RORA: variants seen among roughly 807,000 people sequenced by gnomAD.
RORA encodes nuclear receptor ROR-alpha.
RORA carries 7 observed loss-of-function variants against 69.5 expected under a neutral mutation model. The observed-to-expected ratio is 0.10, with a 90% CI of 0.06 to 0.19. RORA has a LOEUF of 0.19. Among genes scored for constraint, RORA ranks in the 10% least tolerant of loss-of-function variants. The probability of loss-of-function intolerance (pLI) is 1.00; values close to 1 mark genes in which losing one functional copy is unlikely to be tolerated. For missense variants in RORA, 457 were observed against 663.0 expected (o/e 0.69, Z 3.41); for synonymous variants, 261 against 240.8 (o/e 1.08, Z -0.78).
intron 1 of RORA, among the ~76,000 whole-genome samples, chr15:60,875,217 A>C (rs946233489): frequency 1.3e-5 from 2 of 152,204 alleles, no homozygotes; most frequent in Admixed American, 6.5e-5. Context: ...TGCCTGGTAC[A>C]TAGTTGATGC....
chr15:60,762,552 C>T (rs950012598), intron 1 of RORA, among the ~76,000 whole-genome samples: 1 of 152,124 alleles, frequency 6.6e-6, no homozygotes, highest in Non-Finnish European at 1.5e-5. Context: ...TACACACACA[C>T]ACACCCACGC....
intron 1 of RORA, among the ~76,000 whole-genome samples, chr15:60,967,514 C>A (rs1481922749): frequency 6.6e-6 from 1 of 152,156 alleles, no homozygotes; most frequent in Non-Finnish European, 1.5e-5. Flanking sequence ...GACTGACGGG[C>A]CTGTAATTTG....
intron 3 of RORA, among the ~76,000 whole-genome samples, chr15:60,527,229 G>C (rs1293367935): frequency 6.6e-6 from 1 of 152,164 alleles, no homozygotes; most frequent in Non-Finnish European, 1.5e-5. Flanking sequence ...ATATCTAAAA[G>C]GATATGGATT....
intron 1 of RORA, among the ~76,000 whole-genome samples, chr15:61,007,994 C>T (rs1167252421): frequency 6.6e-6 from 1 of 151,474 alleles, no homozygotes; most frequent in East Asian, 1.9e-4. Context: ...AAATGAATGA[C>T]AGCAAACATT....
chr15:60,592,876 C>T (rs1399442214), intron 2 of RORA: 1 of 460,646 alleles, frequency 2.2e-6, no homozygotes, highest in Admixed American at 2.4e-5. Flanking sequence ...TTTCTGCCCC[C>T]ACTCGGTGGG....
chr15:60,981,333 T>C (rs185184473), intron 1 of RORA, among the ~76,000 whole-genome samples: 4 of 152,268 alleles, frequency 2.6e-5, no homozygotes, highest in Non-Finnish European at 5.9e-5. Flanking sequence ...GCTTTTTGTA[T>C]GTATAGATTG....
chr15:60,951,980 A>G (rs1236090763), intron 1 of RORA, among the ~76,000 whole-genome samples: 1 of 149,960 alleles, frequency 6.7e-6, no homozygotes, highest in Non-Finnish European at 1.5e-5. Context: ...AGGCAGAGAC[A>G]CAACCAAAAA....
intron 1 of RORA, among the ~76,000 whole-genome samples, chr15:61,224,900 A>G (rs997556885): frequency 2.0e-5 from 3 of 152,176 alleles, no homozygotes; most frequent in South Asian, 2.1e-4. Context: ...AGGGGCTTCA[A>G]TGCAGGCTCC....
intron 1 of RORA, among the ~76,000 whole-genome samples, chr15:60,812,504 T>C (rs2140368724): frequency 6.6e-6 from 1 of 152,282 alleles, no homozygotes; most frequent in East Asian, 1.9e-4. Flanking sequence ...ACTGAGGCCC[T>C]GTGTCTAAAA....
intron 1 of RORA, among the ~76,000 whole-genome samples, chr15:61,091,911 C>T (rs927822056): frequency 1.3e-4 from 20 of 152,192 alleles, no homozygotes; most frequent in African/African-American, 4.1e-4. Flanking sequence ...TCTACAATGG[C>T]ATATGTTAAA....
At chr15:60,929,098 T>TG (rs1310218057) in intron 1 of RORA, among the ~76,000 whole-genome samples, 1 of 152,154 alleles carries the variant, frequency 6.6e-6, no homozygotes, top group Non-Finnish European at 1.5e-5. Flanking sequence ...GTGCCCCTGC[T>TG]GGGTCTACAA....
chr15:60,995,267 A>G (rs1000933944), intron 1 of RORA, among the ~76,000 whole-genome samples: 2 of 152,114 alleles, frequency 1.3e-5, no homozygotes, highest in Admixed American at 6.5e-5. Context: ...AAATCAGCCA[A>G]TTTGAGCTGG....
intron 2 of RORA, among the ~76,000 whole-genome samples, chr15:60,657,133 A>G (rs1422340053): frequency 6.6e-6 from 1 of 152,140 alleles, no homozygotes; most frequent in Non-Finnish European, 1.5e-5. Context: ...GAACAAAGTA[A>G]AAGGCCTTGT....
At chr15:60,849,090 C>T (rs2073297374) in intron 1 of RORA, 1 of 152,244 alleles carries the variant, frequency 6.6e-6, no homozygotes, top group African/African-American at 2.4e-5. Flanking sequence ...CTATTCCATC[C>T]TTCTGGGTTC....
chr15:60,683,175 G>T (rs921597388), intron 1 of RORA, among the ~76,000 whole-genome samples: 11 of 152,024 alleles, frequency 7.2e-5, no homozygotes. Flanking sequence ...CATGCCCAGA[G>T]AATTTTTACT....
intron 1 of RORA, among the ~76,000 whole-genome samples, chr15:60,771,639 T>C (rs1210885937): frequency 1.3e-5 from 2 of 152,228 alleles, no homozygotes; most frequent in African/African-American, 4.8e-5. Flanking sequence ...GCTCAACCTG[T>C]TCTCCAGAAT....
chr15:60,697,208 T>C (rs2070918123), intron 1 of RORA, among the ~76,000 whole-genome samples: 1 of 152,236 alleles, frequency 6.6e-6, no homozygotes. Flanking sequence ...GATTGCTTTT[T>C]ATAGAATTTC....
chr15:61,132,433 G>A (rs890479482), intron 1 of RORA, among the ~76,000 whole-genome samples: 3 of 151,968 alleles, frequency 2.0e-5, no homozygotes, highest in East Asian at 1.9e-4. Flanking sequence ...CCCTTGACCC[G>A]ATTTTATAGG....
intron 2 of RORA, among the ~76,000 whole-genome samples, chr15:60,677,537 A>G (rs954014853): frequency 2.0e-5 from 3 of 151,346 alleles, no homozygotes; most frequent in Non-Finnish European, 4.4e-5. Flanking sequence ...GGGCCCTCAG[A>G]GTCAGGCAAC....
Sources: gnomAD v4.1 joint callset for allele counts (sites outside exome capture counted in the v4.1 genomes callset) on GRCh38, gnomAD v4.1.1 for gene constraint, MANE v1.5 for transcripts, NCBI Gene and HGNC (gene_info 2026-07-23, HGNC 2026-07-21) for gene names.